MACROD2: variants seen among roughly 807,000 people sequenced by gnomAD.
MACROD2 encodes ADP-ribose glycohydrolase MACROD2.
MACROD2 carries 36 observed loss-of-function variants against 70.4 expected under a neutral mutation model. The ratio of observed to expected loss-of-function variants is 0.51; its 90% CI spans 0.39 to 0.68. The LOEUF (loss-of-function observed/expected upper bound fraction) is 0.68. MACROD2 is among the 30% of genes least tolerant of loss of function. The probability of loss-of-function intolerance (pLI) is 0.00; values close to 1 mark genes in which losing one functional copy is unlikely to be tolerated. For synonymous variants in MACROD2, 172 were observed against 178.8 expected (o/e 0.96, Z 0.30); for missense variants, 496 against 538.4 (o/e 0.92, Z 0.78).
chr20:15,889,839 C>T (rs2064866517), intron 10 of MACROD2, among the ~76,000 whole-genome samples: 1 of 152,142 alleles, frequency 6.6e-6, no homozygotes, highest in Admixed American at 6.6e-5. Context: ...CCTGGCAAAT[C>T]TCCAGGTTTC....
At chr20:14,895,217 A>G (rs2073812987) in intron 5 of MACROD2, 1 of 152,230 alleles carries the variant, frequency 6.6e-6, no homozygotes, top group Non-Finnish European at 1.5e-5. Context: ...AAGTGCTTAT[A>G]GAAGAGAGCA....
At chr20:14,685,203 A>C (rs2123597441) in intron 5 of MACROD2, 1 of 174,262 alleles carries the variant, frequency 5.7e-6, no homozygotes, top group East Asian at 1.5e-4. Flanking sequence ...ATGATGTTTA[A>C]CTATTCAGGT....
intron 3 of MACROD2, among the ~76,000 whole-genome samples, chr20:14,112,614 A>G (rs1049501887): frequency 1.3e-5 from 2 of 152,094 alleles, no homozygotes; most frequent in Non-Finnish European, 2.9e-5. Flanking sequence ...TAATTTCTAA[A>G]TATTATTTTT....
chr20:15,482,083 T>C (rs2047105869), intron 7 of MACROD2, among the ~76,000 whole-genome samples: 2 of 152,192 alleles, frequency 1.3e-5, no homozygotes, highest in African/African-American at 4.8e-5. Flanking sequence ...CTTCAGGCCA[T>C]ACAGATGATT....
chr20:15,757,601 TAATAAAATA>T (rs2051366521), intron 8 of MACROD2, among the ~76,000 whole-genome samples: 1 of 152,204 alleles, frequency 6.6e-6, no homozygotes, highest in Admixed American at 6.5e-5. Flanking sequence ...TAAGCTACTA[TAATAAAATA>T]CAATAGACTG....
chr20:14,606,893 T>A (rs973581351), intron 4 of MACROD2, among the ~76,000 whole-genome samples: 2 of 152,198 alleles, frequency 1.3e-5, no homozygotes, highest in Non-Finnish European at 2.9e-5. Flanking sequence ...AATAAACTTT[T>A]GTTGTGTAAG....
At position 15,331,748 on chromosome 20, in the gene MACROD2, C is replaced by G. The variant is rs943806622; in HGVS notation, c.541-99657C>G. Among the ~76,000 whole-genome samples, 16 of 151,610 alleles carry G rather than the reference C, an allele frequency of 1.1e-4. 1 individual carries two copies. Among genetic ancestry groups the G allele is most frequent in the African/African-American group, 3.9e-4 (16 of 41,048 alleles). ...TGCTTTATGAATACCTTTTCTTGTA[C>G]TTTCTGAGAGTATCAGATTGCAAAT... On this transcript the variant is annotated intron_variant, in intron 6 of 17. Coordinates refer to ENST00000684519, the MANE Select transcript of MACROD2 (RefSeq NM_001351661.2).
At chr20:14,936,138 A>T (rs1253620073) in intron 5 of MACROD2, among the ~76,000 whole-genome samples, 1 of 152,202 alleles carries the variant, frequency 6.6e-6, no homozygotes, top group Non-Finnish European at 1.5e-5. Flanking sequence ...AGTATGTGGT[A>T]TAAAGAAAAC....
At chr20:15,278,251 T>C (rs1262623832) in intron 6 of MACROD2, among the ~76,000 whole-genome samples, 1 of 152,202 alleles carries the variant, frequency 6.6e-6, no homozygotes, top group Non-Finnish European at 1.5e-5. Flanking sequence ...AGGGATAGGT[T>C]ATGAGGAAGG....
chr20:14,420,048 T>C (rs1228799385), intron 3 of MACROD2, among the ~76,000 whole-genome samples: 1 of 151,974 alleles, frequency 6.6e-6, no homozygotes, highest in Admixed American at 6.6e-5. Context: ...AATACCCAAA[T>C]GTGGAATTAG....
chr20:15,168,515 A>T (rs2076401827), intron 5 of MACROD2, among the ~76,000 whole-genome samples: 1 of 151,072 alleles, frequency 6.6e-6, no homozygotes, highest in African/African-American at 2.4e-5. Context: ...TCCATCATTT[A>T]AAAACTCAGA....
At chr20:14,262,113 A>G in intron 3 of MACROD2, among the ~76,000 whole-genome samples, 1 of 152,226 alleles carries the variant, frequency 6.6e-6, no homozygotes, top group East Asian at 1.9e-4. Context: ...ATAAAACAAT[A>G]TAATGTTCTA....
At chr20:15,818,381 C>G (rs753729967) in intron 8 of MACROD2, among the ~76,000 whole-genome samples, 3 of 152,168 alleles carry the variant, frequency 2.0e-5, no homozygotes, top group African/African-American at 4.8e-5. Context: ...GTTCCTCCCC[C>G]TTTTAGACCA....
chr20:15,213,577 C>G (rs175266), intron 5 of MACROD2, among the ~76,000 whole-genome samples: 96,873 of 151,886 alleles, frequency 0.64, 32,303 homozygotes, highest in African/African-American at 0.82. Context: ...GAGTAAGTCA[C>G]GTCCATAAAG....
intron 7 of MACROD2, among the ~76,000 whole-genome samples, chr20:15,448,233 A>T (rs934719004): frequency 6.6e-6 from 1 of 152,076 alleles, no homozygotes; most frequent in African/African-American, 2.4e-5. Context: ...GAGTGGTCTT[A>T]CCTTGTGCCT....
chr20:14,389,241 C>T (rs1041160140), intron 3 of MACROD2, among the ~76,000 whole-genome samples: 3 of 151,210 alleles, frequency 2.0e-5, no homozygotes, highest in South Asian at 2.1e-4. Flanking sequence ...AGCCAACAGG[C>T]GAAACCTCGT....
chr20:15,622,430 G>A (rs1247109217), intron 8 of MACROD2, among the ~76,000 whole-genome samples: 1 of 152,144 alleles, frequency 6.6e-6, no homozygotes, highest in Non-Finnish European at 1.5e-5. Flanking sequence ...GCACTTTGGA[G>A]CCATGGTGAG....
chr20:15,575,065 A>G (rs1297308412), intron 8 of MACROD2, among the ~76,000 whole-genome samples: 1 of 152,194 alleles, frequency 6.6e-6, no homozygotes, highest in Non-Finnish European at 1.5e-5. Flanking sequence ...TCTTTTACTC[A>G]TCTAGAAAAG....
intron 9 of MACROD2, among the ~76,000 whole-genome samples, chr20:15,880,312 A>T (rs2064736509): frequency 6.6e-6 from 1 of 152,024 alleles, no homozygotes; most frequent in Non-Finnish European, 1.5e-5. Context: ...CCTTAAAAAC[A>T]TCTTGATGAT....
Sources: gnomAD v4.1 joint callset for allele counts (sites outside exome capture counted in the v4.1 genomes callset) on GRCh38, gnomAD v4.1.1 for gene constraint, MANE v1.5 for transcripts, NCBI Gene and HGNC (gene_info 2026-07-23, HGNC 2026-07-21) for gene names.